The following NFATC3 variants were observed in gnomAD, a reference collection of about 807,000 sequenced individuals.
NFATC3 encodes nuclear factor of activated T-cells, cytoplasmic 3.
In NFATC3, 46 loss-of-function variants were observed where a neutral mutation model predicts 98.6. That is an observed-to-expected ratio of 0.47 (90% CI 0.37 to 0.60). The LOEUF (loss-of-function observed/expected upper bound fraction) is 0.60, where lower values mean the gene tolerates loss of function less well. NFATC3 is among the 20% of genes least tolerant of loss of function. The pLI, the probability that NFATC3 is intolerant of heterozygous loss-of-function variation, is 0.00. For missense variants in NFATC3, 1,256 were observed against 1,295.5 expected (o/e 0.97, Z 0.47); for synonymous variants, 512 against 472.2 (o/e 1.08, Z -1.09).
At chr16:68,127,442 T>A (rs928589683) in intron 3 of NFATC3, among the ~76,000 whole-genome samples, 34 of 152,104 alleles carry the variant, frequency 2.2e-4, no homozygotes, top group African/African-American at 8.0e-4. Flanking sequence ...ATCCCAGCAC[T>A]TTGTGATGCT....
intron 3 of NFATC3, among the ~76,000 whole-genome samples, chr16:68,129,435 A>G (rs1386971996): frequency 2.6e-5 from 4 of 152,320 alleles, no homozygotes; most frequent in Middle Eastern, 3.4e-3. Flanking sequence ...TCTGAATGTT[A>G]ACAGTTCTTT....
intron 9 of NFATC3, among the ~76,000 whole-genome samples, chr16:68,211,893 A>C (rs949777815): frequency 6.6e-6 from 1 of 152,236 alleles, no homozygotes; most frequent in African/African-American, 2.4e-5. Flanking sequence ...GGAGCTCACG[A>C]AAGTGCTTCA....
intron 9 of NFATC3, among the ~76,000 whole-genome samples, chr16:68,223,764 G>A (rs556231893): frequency 3.1e-4 from 46 of 150,514 alleles, no homozygotes; most frequent in Admixed American, 1.1e-3. Flanking sequence ...GCACGATGGC[G>A]GGCACCTGTA....
intron 5 of NFATC3, among the ~76,000 whole-genome samples, chr16:68,170,567 A>G (rs1254612468): frequency 1.4e-5 from 2 of 145,014 alleles, no homozygotes; most frequent in African/African-American, 5.2e-5. Context: ...ATCTCGGCTG[A>G]CTGCAACCCC....
At chr16:68,120,907 G>A (rs909142047) in intron 1 of NFATC3, among the ~76,000 whole-genome samples, 28 of 152,094 alleles carry the variant, frequency 1.8e-4, no homozygotes, top group African/African-American at 6.0e-4. Context: ...TTTTAGCTCT[G>A]ACATGATGCC....
At chr16:68,098,237 G>A (rs1267364697) in intron 1 of NFATC3, among the ~76,000 whole-genome samples, 1 of 148,826 alleles carries the variant, frequency 6.7e-6, no homozygotes, top group Non-Finnish European at 1.5e-5. Flanking sequence ...TGTAATGGTT[G>A]GGTAATTTGG....
At chr16:68,147,755 G>GAA (rs1191298518) in intron 3 of NFATC3, among the ~76,000 whole-genome samples, 17 of 87,728 alleles carry the variant, frequency 1.9e-4, no homozygotes, top group African/African-American at 3.8e-4. Context: ...TCTGTGAACT[G>GAA]AAAAAAAAAA....
intron 9 of NFATC3, among the ~76,000 whole-genome samples, chr16:68,213,622 G>A (rs2041513658): frequency 6.6e-6 from 1 of 152,070 alleles, no homozygotes; most frequent in Non-Finnish European, 1.5e-5. Flanking sequence ...GAGGCCAGGA[G>A]TTTGAGACCC....
intron 9 of NFATC3, among the ~76,000 whole-genome samples, chr16:68,224,317 C>A (rs2041969853): frequency 7.0e-6 from 1 of 143,116 alleles, no homozygotes; most frequent in African/African-American, 2.7e-5. Context: ...CACTCTGTTG[C>A]CCAGGCTGGA....
At chr16:68,130,018 G>A (rs2037037777) in intron 3 of NFATC3, among the ~76,000 whole-genome samples, 1 of 152,014 alleles carries the variant, frequency 6.6e-6, no homozygotes, top group African/African-American at 2.4e-5. Flanking sequence ...ATTCAATTGT[G>A]TATATATACC....
intron 3 of NFATC3, among the ~76,000 whole-genome samples, chr16:68,154,821 C>T (rs1240992652): frequency 6.6e-6 from 1 of 152,198 alleles, no homozygotes; most frequent in Non-Finnish European, 1.5e-5. Flanking sequence ...CCCTAATCAC[C>T]TTATGCTGTG....
intron 3 of NFATC3, among the ~76,000 whole-genome samples, chr16:68,131,947 C>T (rs569895443): frequency 2.6e-5 from 4 of 152,204 alleles, no homozygotes; most frequent in East Asian, 3.9e-4. Flanking sequence ...GAAAAAATGT[C>T]GTCTCAGAAG....
intron 9 of NFATC3, chr16:68,212,785 C>CTTTTTTTTTTTTTTTTTTTTTTTT (rs534732425): frequency 9.4e-6 from 1 of 106,934 alleles, no homozygotes; most frequent in Non-Finnish European, 1.9e-5. Flanking sequence ...ATTTCTTTCT[C>CTTTTTTTTTTTTTTTTTTTTTTTT]TTTTTTTTTT....
intron 1 of NFATC3, among the ~76,000 whole-genome samples, chr16:68,118,363 A>G (rs1457291094): frequency 1.3e-5 from 2 of 152,202 alleles, no homozygotes; most frequent in Admixed American, 1.3e-4. Context: ...GCGGGGGACC[A>G]TATGTGTGTT....
chr16:68,146,540 C>T (rs1428265489), intron 3 of NFATC3, among the ~76,000 whole-genome samples: 1 of 151,836 alleles, frequency 6.6e-6, no homozygotes, highest in African/African-American at 2.4e-5. Flanking sequence ...ATTATTTTTT[C>T]ATTTTTATGC....
At chr16:68,221,080 G>T (rs928437041) in intron 9 of NFATC3, 2 of 1,112,822 alleles carry the variant, frequency 1.8e-6, no homozygotes, top group Non-Finnish European at 1.3e-6. Flanking sequence ...GCAAATTCAT[G>T]CATATATCCA....
chr16:68,213,519 G>A (rs1053370753), intron 9 of NFATC3, among the ~76,000 whole-genome samples: 2 of 151,804 alleles, frequency 1.3e-5, no homozygotes, highest in African/African-American at 4.8e-5. Flanking sequence ...TAATGGATGT[G>A]AACTTTAGTT....
At chr16:68,187,188 A>G (rs925115118) in intron 8 of NFATC3, among the ~76,000 whole-genome samples, 12 of 152,198 alleles carry the variant, frequency 7.9e-5, no homozygotes, top group Non-Finnish European at 1.6e-4. Context: ...CTGCAGCTGG[A>G]CCAGGGATAC....
intron 9 of NFATC3, among the ~76,000 whole-genome samples, chr16:68,198,991 T>A (rs2040789549): frequency 6.6e-6 from 1 of 151,864 alleles, no homozygotes; most frequent in South Asian, 2.1e-4. Flanking sequence ...GGGATTGCAG[T>A]GAGCCAAGAT....
Sources: gnomAD v4.1 joint callset for allele counts (sites outside exome capture counted in the v4.1 genomes callset) on GRCh38, gnomAD v4.1.1 for gene constraint, MANE v1.5 for transcripts, NCBI Gene and HGNC (gene_info 2026-07-23, HGNC 2026-07-21) for gene names.